UTP20: variants seen among roughly 807,000 people sequenced by gnomAD.
The protein encoded by UTP20 is small subunit processome component 20 homolog.
A neutral mutation model predicts 329.5 loss-of-function variants in UTP20; 164 were observed. That is an observed-to-expected ratio of 0.50 (90% CI 0.44 to 0.57). The LOEUF (loss-of-function observed/expected upper bound fraction) is 0.57. UTP20 is among the 20% of genes least tolerant of loss of function. UTP20 has a pLI of 0.00. For synonymous variants in UTP20, 1,151 were observed against 1,159.3 expected, an observed-to-expected ratio of 0.99 and a Z score of 0.14; for missense variants, 3,055 against 3,284.2, an observed-to-expected ratio of 0.93 and a Z score of 1.71.
At chr12:101,281,072 A>G in intron 1 of UTP20, 44 bp from the exon 2 acceptor site, 1 of 1,498,208 alleles carries the variant, frequency 6.7e-7, no homozygotes. Context: ...AAGATCTGAT[A>G]AATTTTAATT....
intron 26 of UTP20, among the ~76,000 whole-genome samples, chr12:101,327,915 G>A (rs1487023864): frequency 2.0e-5 from 3 of 152,110 alleles, no homozygotes; most frequent in Non-Finnish European, 4.4e-5. Flanking sequence ...TCAACCACAT[G>A]AGCTGTCATT....
Position 101,338,870 on chromosome 12 carries a change from A to G in UTP20, c.3926A>G (p.Tyr1309Cys). 6.2e-7 allele frequency: 1 copy of G among 1,612,592 alleles called. No homozygotes were observed. The highest frequency in any genetic ancestry group is 1.3e-5 in the African/African-American group (1 of 74,964). ...ILPHVPAILQ[Y>C]LSKTTISAEK... is the part of the protein sequence containing the mutation. ...CCTCATGTACCTGCAATTCTTCAGT[A>G]TCTCAGCAAAACCACAATAAGCGCA... is the stretch of plus-strand genomic sequence containing the variant. The change falls in exon 31 of 62, where the codon TAT becomes TGT. Residue 1309 changes from tyrosine (Y) to cysteine (C), a missense_variant. Physicochemically the swap from Tyr to Cys is radical, Grantham distance 194. Around this residue, in one of 3 missense-constraint regions of UTP20, gnomAD observed 2,445 missense variants for 2,575.5 expected, o/e 0.95. Transcript: ENST00000261637.
At chr12:101,361,617 A>G (rs1033406529) in intron 43 of UTP20, among the ~76,000 whole-genome samples, 2 of 149,824 alleles carry the variant, frequency 1.3e-5, no homozygotes, top group Non-Finnish European at 3.0e-5. Context: ...CAAGAGCAAC[A>G]CTCTGTCTCA....
At chr12:101,379,973 C>T (rs1358489895) in intron 57 of UTP20, among the ~76,000 whole-genome samples, 1 of 152,102 alleles carries the variant, frequency 6.6e-6, no homozygotes, top group Non-Finnish European at 1.5e-5. Flanking sequence ...GCACACGCCA[C>T]CACACCCAGC....
Position 101,280,147 on chromosome 12 carries a change from C to T in UTP20, c.-136C>T. On this transcript the variant is annotated 5_prime_UTR_variant, in exon 1 of 62. Transcript: ENST00000261637. Reference sequence around the variant, plus strand: ...TCTCCAACATGGCGGCGCCCAGGGGCTCAAGCCGCACGTGAGAAAGTCTGG... The same window carrying T: ...TCTCCAACATGGCGGCGCCCAGGGGTTCAAGCCGCACGTGAGAAAGTCTGG... 6 of 1,188,096 alleles carry T rather than the reference C, an allele frequency of 5.1e-6. No individual in the cohort carries two copies. Among genetic ancestry groups the T allele is most frequent in the East Asian group, 2.7e-5 (1 of 37,410 alleles). The allele number at this position is 1,188,096 out of a possible 1,614,324, so 73.6% of individuals were successfully genotyped here. A position where few individuals can be genotyped will look rare whatever the true frequency, so the allele number is the denominator to read the frequency against.
Position 101,306,040 on chromosome 12 carries a change from C to T in UTP20, c.1907C>T (p.Ala636Val), listed in dbSNP as rs1254245581. Residue 636 changes from alanine (A) to valine (V), a missense_variant, in exon 16 of 62, where the codon GCA becomes GTA. Transcript: ENST00000261637. ...ATGGAATTATTTCCCAAGTTACAAG[C>T]AAACATTTCAACTGGTGTATCCAAG... is the stretch of plus-strand genomic sequence containing the variant. The part of the protein sequence containing the change: ...ALMELFPKLQ[A>V]NISTGVSKIR... 1 of 1,613,064 alleles carries T rather than the reference C, an allele frequency of 6.2e-7. No homozygotes were observed.
In UTP20 at chr12:101,327,066, C is replaced by CT; in HGVS notation, c.3042-11dup. 6.3e-7 allele frequency: 1 copy of CT among 1,586,262 alleles called. No individual in the cohort carries two copies. The highest frequency in any genetic ancestry group is 8.6e-7 in the Non-Finnish European group (1 of 1,158,792). On this transcript the variant is annotated splice_polypyrimidine_tract_variant and intron_variant, in intron 25 of 61. Transcript: ENST00000261637. ...AATTAATGTGCAAACAAATAATGTG[C>CT]TTTTGCCTTTTCAGAATTTTGTATG...
At chr12:101,320,781 C>G (rs1359936931) in intron 23 of UTP20, 71 bp from the exon 24 acceptor site, 11 of 1,334,734 alleles carry the variant, frequency 8.2e-6, no homozygotes. Context: ...TAGCAAATAA[C>G]CACAAGTAAA....
intron 12 of UTP20, among the ~76,000 whole-genome samples, chr12:101,298,855 A>AT (rs1206411803): frequency 3.3e-5 from 5 of 150,992 alleles, no homozygotes; most frequent in Non-Finnish European, 7.4e-5. Context: ...TTTTTGGAGA[A>AT]TTTTTTTTCT....
intron 47 of UTP20, among the ~76,000 whole-genome samples, chr12:101,367,202 T>C (rs559361106): frequency 3.3e-5 from 5 of 152,252 alleles, no homozygotes; most frequent in African/African-American, 1.2e-4. Flanking sequence ...GGAGAATCAC[T>C]TGAGCCCAGG....
At chr12:101,366,229 C>T (rs1870092207) in intron 46 of UTP20, among the ~76,000 whole-genome samples, 1 of 152,138 alleles carries the variant, frequency 6.6e-6, no homozygotes, top group South Asian at 2.1e-4. Context: ...AAGACTGTCT[C>T]AAAAAACAAA....
chr12:101,359,148 C>T (rs1346667275), intron 43 of UTP20, among the ~76,000 whole-genome samples: 1 of 152,116 alleles, frequency 6.6e-6, no homozygotes, highest in Non-Finnish European at 1.5e-5. Flanking sequence ...ACTACAACCT[C>T]CACTTCTCGG....
chr12:101,343,713 T>C (rs1428942076), intron 35 of UTP20, among the ~76,000 whole-genome samples: 1 of 152,182 alleles, frequency 6.6e-6, no homozygotes. Flanking sequence ...GGTTTCACCA[T>C]GTTGGCCAGG....
intron 4 of UTP20, among the ~76,000 whole-genome samples, chr12:101,286,091 T>G (rs535334109): frequency 1.3e-5 from 2 of 152,364 alleles, no homozygotes; most frequent in South Asian, 4.1e-4. Flanking sequence ...AATCTCATTT[T>G]TCTTTGACAC....
chr12:101,374,827 C>T lies in UTP20; in HGVS notation c.7151C>T (p.Ala2384Val). The change falls in exon 55 of 62, where the codon GCT (alanine) becomes GTT (valine). Residue 2384 changes from alanine to valine, a missense_variant. Transcript: ENST00000261637. ...GAKKRLNRQL[A>V]ALICGLFVES... ...TGGTAGCGCTTAAATAGACAACTTG[C>T]TGCCCTGATCTGTGGCTTGTTTGTG... The T allele has an allele frequency of 8.6e-7, 1 of 1,169,030 alleles. No individual in the cohort carries two copies. The highest frequency in any genetic ancestry group is 1.2e-5 in the South Asian group (1 of 82,196). The allele number at this position is 1,169,030 out of a possible 1,614,324, so 72.4% of individuals were successfully genotyped here.
chr12:101,369,689 A>T, intron 48 of UTP20, 32 bp from the exon 49 acceptor site: 1 of 1,169,010 alleles, frequency 8.6e-7, no homozygotes, highest in Non-Finnish European at 1.3e-6. Flanking sequence ...GTCACATCAC[A>T]AGTTGGTGGT....
intron 23 of UTP20, among the ~76,000 whole-genome samples, chr12:101,320,649 G>C (rs1362360470): frequency 6.6e-6 from 1 of 151,952 alleles, no homozygotes; most frequent in East Asian, 1.9e-4. Flanking sequence ...AGAGAGTTTT[G>C]TTTCCATTTT....
At chr12:101,327,325 C>T in intron 26 of UTP20, 78 bp downstream of exon 26, 2 of 1,355,924 alleles carry the variant, frequency 1.5e-6, no homozygotes, top group Non-Finnish European at 1.9e-6. Context: ...ATTTCCCATG[C>T]TCCTGGGCGT....
At chr12:101,299,547 G>A in intron 12 of UTP20, 135 bp from the exon 13 acceptor site, 1 of 742,076 alleles carries the variant, frequency 1.3e-6, no homozygotes. Flanking sequence ...ACTCACATTT[G>A]TTTAGCTCAA....
Sources: gnomAD v4.1 joint callset for allele counts (sites outside exome capture counted in the v4.1 genomes callset) on GRCh38, gnomAD v4.1.1 for gene constraint, gnomAD v4.1.1 regional missense constraint, MANE v1.5 for transcripts, NCBI Gene and HGNC (gene_info 2026-07-23, HGNC 2026-07-21) for gene names.